AJAP1: variants seen among roughly 807,000 people sequenced by gnomAD.
The protein encoded by AJAP1 is adherens junctions associated protein 1.
AJAP1 carries 5 observed loss-of-function variants against 35.0 expected under a neutral mutation model. The ratio of observed to expected loss-of-function variants is 0.14; its 90% confidence interval spans 0.07 to 0.30. The LOEUF (loss-of-function observed/expected upper bound fraction) is 0.30. Among genes scored for constraint, AJAP1 ranks in the 10% least tolerant of loss-of-function variants. The pLI, the probability that AJAP1 is intolerant of heterozygous loss-of-function variation, is 1.00. For missense variants in AJAP1, 586 were observed against 571.0 expected (o/e 1.03, Z -0.27); for synonymous variants, 284 against 249.3 (o/e 1.14, Z -1.31).
At chr1:4,711,874 T>C in intron 1 of AJAP1, 26 bp from the exon 2 acceptor site, 1 of 1,436,862 alleles carries the variant, frequency 7.0e-7, no homozygotes, top group Admixed American at 2.9e-5. Context: ...CACTGACCGC[T>C]CTTCTCTCCT....
chr1:4,728,056 CCAGAA>C (rs1458718660), intron 2 of AJAP1, among the ~76,000 whole-genome samples: 1 of 152,226 alleles, frequency 6.6e-6, no homozygotes, highest in Non-Finnish European at 1.5e-5. Context: ...TAGCCAGACT[CCAGAA>C]CAGAACTCGC....
At chr1:4,728,559 G>A (rs113497668) in intron 2 of AJAP1, among the ~76,000 whole-genome samples, 15 of 152,332 alleles carry the variant, frequency 9.8e-5, no homozygotes, top group East Asian at 1.9e-4. Context: ...TGCTGTCGCC[G>A]TGGGGGCCTG....
In AJAP1 at chr1:4,690,475, G is replaced by A. The variant is rs141027028; in HGVS notation, c.30-21425G>A. ...ACAACCAGGAGCTGTCACCAGGGGC[G>A]CGTGGAGGTGGCTGCAGTACGGGAG... On this transcript the variant is annotated intron_variant, in intron 1 of 5. Coordinates refer to ENST00000378191, the MANE Select transcript of AJAP1 (RefSeq NM_018836.4). Among the ~76,000 whole-genome samples the A allele has an allele frequency of 2.6e-3, 399 of 152,324 alleles. 4 individuals carry two copies. Among genetic ancestry groups the A allele is most frequent in the African/African-American group, 9.3e-3 (385 of 41,570 alleles).
intron 3 of AJAP1, among the ~76,000 whole-genome samples, chr1:4,771,926 C>G (rs1362614517): frequency 6.6e-6 from 1 of 152,128 alleles, no homozygotes; most frequent in African/African-American, 2.4e-5. Context: ...CCCACCACAG[C>G]TTTTATCCCG....
chr1:4,660,230 G>A (rs6691554), intron 1 of AJAP1, among the ~76,000 whole-genome samples: 1 of 152,058 alleles, frequency 6.6e-6, no homozygotes, highest in Non-Finnish European at 1.5e-5. Flanking sequence ...GGGGCATGCC[G>A]GCCCTGCATC....
chr1:4,738,515 C>T (rs113934541), intron 2 of AJAP1, among the ~76,000 whole-genome samples: 14,260 of 151,988 alleles, frequency 0.094, 759 homozygotes, highest in South Asian at 0.17. Flanking sequence ...AGGTTGTTGG[C>T]GAGAGCCACT....
At chr1:4,662,776 G>A (rs140869519) in intron 1 of AJAP1, among the ~76,000 whole-genome samples, 14 of 152,332 alleles carry the variant, frequency 9.2e-5, no homozygotes, top group Non-Finnish European at 1.3e-4. Context: ...CGAACATTTC[G>A]CATTCAATAA....
At chr1:4,753,792 G>A (rs985822718) in intron 2 of AJAP1, among the ~76,000 whole-genome samples, 11 of 152,126 alleles carry the variant, frequency 7.2e-5, no homozygotes, top group Middle Eastern at 3.2e-3. Flanking sequence ...GGCTGGTCTC[G>A]AACTCCTGAC....
intron 2 of AJAP1, among the ~76,000 whole-genome samples, chr1:4,743,521 T>C (rs1641118780): frequency 6.6e-6 from 1 of 152,192 alleles, no homozygotes; most frequent in African/African-American, 2.4e-5. Flanking sequence ...TATGTGTTAA[T>C]GCGTATGTGT....
rs1570144007 is a variant in AJAP1, at chr1:4,712,390, C to T, written c.520C>T (p.Pro174Ser). The change falls in exon 2 of 6, where the codon CCC (proline) becomes TCC (serine). Residue 174 changes from proline to serine, a missense_variant. Physicochemically the swap from Pro to Ser is moderately conservative, Grantham distance 74. Coordinates refer to ENST00000378191, the MANE Select transcript of AJAP1 (RefSeq NM_018836.4). ...CAGCTTCGACTCCAGAGGCAGCCGG[C>T]CCACCACAGAGACTGAGTTCATCGC... ...LSSFDSRGSR[P>S]TTETEFIAWG... 8 of 1,564,474 alleles carry T rather than the reference C, an allele frequency of 5.1e-6. No individual in the cohort carries two copies. The highest frequency in any genetic ancestry group is 1.4e-5 in the African/African-American group (1 of 73,832).
Position 4,773,791 on chromosome 1 carries a change from G to A in AJAP1, c.1164-636G>A, listed in dbSNP as rs148273468. On this transcript the variant is annotated intron_variant, in intron 4 of 5. Transcript: ENST00000378191. Reference sequence around the variant, plus strand: ...CCGTGTGGGTAGAGGGCAGAGGGCCGTGGGCTGGCCTCTGTTGCTTCACTT... The same window carrying A: ...CCGTGTGGGTAGAGGGCAGAGGGCCATGGGCTGGCCTCTGTTGCTTCACTT... 3.2e-3 allele frequency among the ~76,000 whole-genome samples: 483 copies of A among 152,334 alleles called. 1 individual carries two copies. Among genetic ancestry groups the A allele is most frequent in the Admixed American group, 4.4e-3 (67 of 15,298 alleles).
At chr1:4,714,013 C>T (rs568628574) in intron 2 of AJAP1, among the ~76,000 whole-genome samples, 6 of 152,190 alleles carry the variant, frequency 3.9e-5, no homozygotes, top group Non-Finnish European at 5.9e-5. Context: ...AGGCAGGCAC[C>T]GGGCAGTCCT....
intron 5 of AJAP1, among the ~76,000 whole-genome samples, chr1:4,780,198 G>C (rs1268212296): frequency 6.7e-6 from 1 of 150,288 alleles, no homozygotes; most frequent in Admixed American, 6.6e-5. Context: ...TCAATGGCAT[G>C]AGTGCCTTTA....
chr1:4,712,834 GAGCT>G, intron 2 of AJAP1, 135 bp downstream of exon 2: 4 of 913,306 alleles, frequency 4.4e-6, no homozygotes, highest in Non-Finnish European at 6.2e-6. Context: ...ATGTGTCCAT[GAGCT>G]TGCACATGCC....
At chr1:4,695,691 C>T (rs1053302133) in intron 1 of AJAP1, among the ~76,000 whole-genome samples, 8 of 152,150 alleles carry the variant, frequency 5.3e-5, no homozygotes, top group African/African-American at 1.9e-4. Context: ...CTGCCTTTCC[C>T]CTGTATCTTC....
At chr1:4,697,821 C>T (rs1042760140) in intron 1 of AJAP1, among the ~76,000 whole-genome samples, 10 of 152,372 alleles carry the variant, frequency 6.6e-5, no homozygotes, top group Non-Finnish European at 8.8e-5. Flanking sequence ...CAAGATGCAG[C>T]GGCCACTAAT....
chr1:4,736,058 A>T (rs1004390177), intron 2 of AJAP1, among the ~76,000 whole-genome samples: 4 of 152,188 alleles, frequency 2.6e-5, no homozygotes, highest in African/African-American at 2.4e-5. Flanking sequence ...TTTGGAAAAC[A>T]GGGGTAAGAA....
chr1:4,772,259 C>A, intron 3 of AJAP1, 21 bp from the exon 4 acceptor site: 1 of 1,613,446 alleles, frequency 6.2e-7, no homozygotes, highest in Non-Finnish European at 8.5e-7. Flanking sequence ...GTCCCCCTAC[C>A]CCAAACTCTT....
At chr1:4,667,235 A>G (rs1455541264) in intron 1 of AJAP1, among the ~76,000 whole-genome samples, 2 of 152,090 alleles carry the variant, frequency 1.3e-5, no homozygotes, top group Non-Finnish European at 2.9e-5. Context: ...GCTTTTACTC[A>G]GAATTAGTCT....
Sources: allele counts gnomAD v4.1 joint callset (sites outside exome capture counted in the v4.1 genomes callset), GRCh38; gene constraint gnomAD v4.1.1; transcripts MANE v1.5; gene names NCBI Gene and HGNC (gene_info 2026-07-23, HGNC 2026-07-21).